The following ZDHHC14 variants were observed in gnomAD, a reference collection of about 807,000 sequenced individuals.
The protein encoded by ZDHHC14 is palmitoyltransferase ZDHHC14.
A neutral mutation model predicts 47.7 loss-of-function variants in ZDHHC14; 16 were observed. That is an observed-to-expected ratio of 0.34 (90% CI 0.23 to 0.51). The LOEUF (loss-of-function observed/expected upper bound fraction) is 0.51, where lower values mean the gene tolerates loss of function less well. ZDHHC14 is among the 20% of genes least tolerant of loss of function. The pLI is 0.97. For missense variants in ZDHHC14, 515 were observed against 662.5 expected (o/e 0.78, Z 2.44); for synonymous variants, 293 against 278.9 (o/e 1.05, Z -0.50).
chr6:157,493,339 T>C (rs563888361), intron 1 of ZDHHC14, among the ~76,000 whole-genome samples: 1 of 152,292 alleles, frequency 6.6e-6, no homozygotes, highest in South Asian at 2.1e-4. Flanking sequence ...AGCGGGACGG[T>C]CTGAGGGCTG....
rs145545513 is a variant in ZDHHC14 at position 157,462,020 on chromosome 6, G to A, written c.245+79754G>A. The stretch of plus-strand genomic sequence containing the variant: ...GTCAGATCCTGGTCTATCATGCGAC[G>A]GTGGCACCAGAGGGGGCTCTGCAGG... On this transcript the variant is annotated intron_variant, in intron 1 of 8. Transcript: ENST00000359775. 8.1e-4 allele frequency among the ~76,000 whole-genome samples: 124 copies of A among 152,268 alleles called. 1 individual carries two copies. The highest frequency in any genetic ancestry group is 2.8e-3 in the African/African-American group (115 of 41,540).
chr6:157,481,637 A>C (rs1779632750), intron 1 of ZDHHC14, among the ~76,000 whole-genome samples: 1 of 151,910 alleles, frequency 6.6e-6, no homozygotes, highest in Non-Finnish European at 1.5e-5. Context: ...TACCACTTCC[A>C]CCTGTAGAAA....
At chr6:157,628,824 G>A (rs1189807584) in intron 4 of ZDHHC14, among the ~76,000 whole-genome samples, 1 of 152,124 alleles carries the variant, frequency 6.6e-6, no homozygotes, top group Non-Finnish European at 1.5e-5. Context: ...CTGCTAAGGG[G>A]TCCCCTGGAA....
At chr6:157,516,059 C>A (rs148795238) in intron 1 of ZDHHC14, among the ~76,000 whole-genome samples, 1,643 of 152,320 alleles carry the variant, frequency 0.011, 18 homozygotes, top group Non-Finnish European at 0.018. Flanking sequence ...AACCGCTACC[C>A]TGCCCTCTAG....
chr6:157,536,710 A>G (rs952057234), intron 1 of ZDHHC14, among the ~76,000 whole-genome samples: 4 of 152,156 alleles, frequency 2.6e-5, no homozygotes, highest in African/African-American at 9.7e-5. Flanking sequence ...TGAATATAGA[A>G]TTAATGACAG....
At chr6:157,644,740 G>A (rs905709844) in intron 5 of ZDHHC14, among the ~76,000 whole-genome samples, 1 of 152,174 alleles carries the variant, frequency 6.6e-6, no homozygotes, top group African/African-American at 2.4e-5. Flanking sequence ...GAGCAGGCGC[G>A]TTTCTTTCTC....
At chr6:157,525,185 G>A (rs551896842) in intron 1 of ZDHHC14, among the ~76,000 whole-genome samples, 13 of 152,234 alleles carry the variant, frequency 8.5e-5, no homozygotes, top group Middle Eastern at 3.4e-3. Context: ...TTTTGAGACA[G>A]AGTCTCACCC....
At chr6:157,430,938 G>A (rs1778326869) in intron 1 of ZDHHC14, among the ~76,000 whole-genome samples, 1 of 152,208 alleles carries the variant, frequency 6.6e-6, no homozygotes, top group African/African-American at 2.4e-5. Context: ...CACCTGTTTT[G>A]ACTGGGTTAC....
chr6:157,413,703 C>T (rs1046594897), intron 1 of ZDHHC14, among the ~76,000 whole-genome samples: 2 of 151,592 alleles, frequency 1.3e-5, no homozygotes, highest in Non-Finnish European at 2.9e-5. Context: ...TTTTTTCCGT[C>T]TAAAGCCTGT....
intron 1 of ZDHHC14, among the ~76,000 whole-genome samples, chr6:157,476,493 A>G (rs376380501): frequency 2.6e-5 from 4 of 152,354 alleles, no homozygotes; most frequent in Admixed American, 1.3e-4. Context: ...ACAACCCAAT[A>G]CTAATCCTTC....
intron 1 of ZDHHC14, among the ~76,000 whole-genome samples, chr6:157,499,235 C>A (rs1029991713): frequency 1.3e-4 from 19 of 151,954 alleles, no homozygotes; most frequent in African/African-American, 4.4e-4. Context: ...GGCAAAATAC[C>A]CTAGATTGGG....
chr6:157,620,323 C>T (rs1785138171), intron 3 of ZDHHC14, among the ~76,000 whole-genome samples: 1 of 152,128 alleles, frequency 6.6e-6, no homozygotes, highest in African/African-American at 2.4e-5. Context: ...GCCATGAAGG[C>T]CTCACCCTGA....
At chr6:157,572,469 TAAGA>T in intron 2 of ZDHHC14, among the ~76,000 whole-genome samples, 1 of 152,282 alleles carries the variant, frequency 6.6e-6, no homozygotes, top group African/African-American at 2.4e-5. Context: ...CAAGCCACAA[TAAGA>T]AAGAGGACTA....
At chr6:157,478,451 A>G (rs1009921235) in intron 1 of ZDHHC14, among the ~76,000 whole-genome samples, 3 of 152,164 alleles carry the variant, frequency 2.0e-5, no homozygotes, top group Non-Finnish European at 1.5e-5. Flanking sequence ...ATTTTTTTAA[A>G]TGGCAATTCC....
chr6:157,512,494 C>T (rs144428622), intron 1 of ZDHHC14, among the ~76,000 whole-genome samples: 2,096 of 152,298 alleles, frequency 0.014, 48 homozygotes, highest in African/African-American at 0.049. Context: ...CATGCGTGAG[C>T]CACACACACA....
chr6:157,440,014 G>T (rs1425407730), intron 1 of ZDHHC14, among the ~76,000 whole-genome samples: 2 of 152,084 alleles, frequency 1.3e-5, no homozygotes, highest in African/African-American at 4.8e-5. Context: ...TCTTGGTGGG[G>T]TGTGGGAGGA....
At chr6:157,671,365 AAG>A (rs1348778406) in intron 8 of ZDHHC14, among the ~76,000 whole-genome samples, 1 of 152,104 alleles carries the variant, frequency 6.6e-6, no homozygotes, top group Admixed American at 6.6e-5. Flanking sequence ...GGCTCATTCT[AAG>A]AACTCCTGCA....
intron 1 of ZDHHC14, among the ~76,000 whole-genome samples, chr6:157,531,943 A>G (rs1000621737): frequency 6.6e-6 from 1 of 152,252 alleles, no homozygotes. Context: ...GTTCTGCGGG[A>G]TGGGCGTGGG....
intron 5 of ZDHHC14, among the ~76,000 whole-genome samples, chr6:157,643,354 C>T (rs1777347449): frequency 6.6e-6 from 1 of 152,070 alleles, no homozygotes; most frequent in Admixed American, 6.5e-5. Flanking sequence ...GTGTCTAAAG[C>T]ACATGAGATA....
Sources: gnomAD v4.1 joint callset for allele counts (sites outside exome capture counted in the v4.1 genomes callset) on GRCh38, gnomAD v4.1.1 for gene constraint, MANE v1.5 for transcripts, NCBI Gene and HGNC (gene_info 2026-07-23, HGNC 2026-07-21) for gene names.